MRPS10: variants seen among roughly 807,000 people sequenced by gnomAD.
MRPS10 encodes the protein small ribosomal subunit protein uS10m.
Under a neutral mutation model 27.5 loss-of-function variants are expected in MRPS10, and 23 were observed. The ratio of observed to expected loss-of-function variants is 0.84; its 90% CI spans 0.60 to 1.18. The LOEUF is 1.18. MRPS10 is among the 50% of genes most tolerant of loss of function. The pLI is 0.00. For synonymous variants in MRPS10, 88 were observed against 84.2 expected, an observed-to-expected ratio of 1.04 and a Z score of -0.25; for missense variants, 237 against 240.1, an observed-to-expected ratio of 0.99 and a Z score of 0.09.
At position 42,207,535 on chromosome 6, in the gene MRPS10, T is replaced by A. The variant is rs1768642320; in HGVS notation, c.*754A>T. 1 of 152,264 alleles carries A rather than the reference T, an allele frequency of 6.6e-6. No individual in the cohort carries two copies. Among genetic ancestry groups the A allele is most frequent in the African/African-American group, 2.4e-5 (1 of 41,470 alleles). 9.4% of individuals were successfully genotyped at this position (152,264 alleles called of 1,614,324 possible). A position where few individuals can be genotyped will look rare whatever the true frequency, so the allele number is the denominator to read the frequency against. Reference sequence around the variant, plus strand: ...GTGCCTGGCCTGCTTTGTGCGATTTTCAAAAGCCATTATTTCTATTCAATT... The same window carrying A: ...GTGCCTGGCCTGCTTTGTGCGATTTACAAAAGCCATTATTTCTATTCAATT... On this transcript the variant is annotated 3_prime_UTR_variant, in exon 7 of 7. Transcript: ENST00000053468.
rs1193319478 is a variant in MRPS10 at position 42,207,752 on chromosome 6, T to C, written c.*537A>G. On this transcript the variant is annotated 3_prime_UTR_variant, in exon 7 of 7. Coordinates refer to ENST00000053468, the MANE Select transcript of MRPS10 (RefSeq NM_018141.4). The stretch of plus-strand genomic sequence containing the variant: ...CAGTGCATGCCATAAATGTGTTTGA[T>C]CTGCTGTGAAGTATATTCAGTCTTC... 1 of 153,766 alleles carries C rather than the reference T, an allele frequency of 6.5e-6. No individual in the cohort carries two copies. The highest frequency in any genetic ancestry group is 2.4e-5 in the African/African-American group (1 of 41,456). The allele number at this position is 153,766 out of a possible 1,614,324, so 9.5% of individuals were successfully genotyped here.
chr6:42,213,173 G>A (rs1178837685), intron 3 of MRPS10, among the ~76,000 whole-genome samples: 1 of 152,228 alleles, frequency 6.6e-6, no homozygotes, highest in Non-Finnish European at 1.5e-5. Flanking sequence ...TACTGGCCAG[G>A]TGTGGTGGCT....
At position 42,206,853 on chromosome 6, in the gene MRPS10, G is replaced by A. The variant is rs927119638; in HGVS notation, c.*1436C>T. 5.3e-5 allele frequency: 8 copies of A among 152,090 alleles called. No individual in the cohort carries two copies. Among genetic ancestry groups the A allele is most frequent in the Non-Finnish European group, 1.2e-4 (8 of 68,038 alleles). 9.4% of individuals were successfully genotyped at this position (152,090 alleles called of 1,614,324 possible). ...TTCTTTTAATGGTGATGACAGTAAC[G>A]TAAGTCTGATACACAAGCAGTATGT... On this transcript the variant is annotated 3_prime_UTR_variant, in exon 7 of 7. Transcript: ENST00000053468.
intron 1 of MRPS10, among the ~76,000 whole-genome samples, chr6:42,216,202 T>C (rs1768926448): frequency 1.3e-5 from 2 of 151,610 alleles, no homozygotes; most frequent in African/African-American, 4.8e-5. Flanking sequence ...TTTTGTATTT[T>C]TAGTAGAGAC....
intron 1 of MRPS10, 62 bp downstream of exon 1, chr6:42,217,740 C>T (rs946567393): frequency 3.2e-6 from 5 of 1,556,770 alleles, no homozygotes; most frequent in Admixed American, 3.4e-5. Flanking sequence ...CGGCTGGTGG[C>T]AGGGAAACTT....
Position 42,216,910 on chromosome 6 carries a change from T to C in MRPS10, c.48+892A>G, listed in dbSNP as rs556533512. On this transcript the variant is annotated intron_variant, in intron 1 of 6. Transcript: ENST00000053468. Reference sequence around the variant, plus strand: ...CAGGGGATCCGGGAAATCAAAACTATTTTCATAAAACCAAAACGTCATTTA... The same window carrying C: ...CAGGGGATCCGGGAAATCAAAACTACTTTCATAAAACCAAAACGTCATTTA... Among the ~76,000 whole-genome samples, 3 of 152,308 alleles carry C rather than the reference T, an allele frequency of 2.0e-5. No homozygotes were observed. In the East Asian group the frequency reaches 5.8e-4, roughly 29 times the overall value.
At position 42,208,840 on chromosome 6, in the gene MRPS10, C is replaced by T. The variant is rs1175445908; in HGVS notation, c.522+18G>A. 43 of 1,546,358 alleles carry T rather than the reference C, an allele frequency of 2.8e-5. No individual in the cohort carries two copies. Among genetic ancestry groups the T allele is most frequent in the Non-Finnish European group, 3.7e-5 (42 of 1,123,502 alleles). On this transcript the variant is annotated intron_variant, in intron 6 of 6. Transcript: ENST00000053468. ...CTCCCCACCGCCCCACCGAAAGAGG[C>T]AGAAATTCAAGCTATACCTTTGTTA...
rs1420028665 is a variant in MRPS10 at position 42,207,408 on chromosome 6, G to C, written c.*881C>G. On this transcript the variant is annotated 3_prime_UTR_variant, in exon 7 of 7. Transcript: ENST00000053468. The stretch of plus-strand genomic sequence containing the variant: ...AGCTAATTTTTGTATTTTTATTAGA[G>C]ACGGGGTTTCACCGTGTTAGCCAGG... 3.9e-5 allele frequency: 6 copies of C among 152,110 alleles called. No homozygotes were observed. The highest frequency in any genetic ancestry group is 8.8e-5 in the Non-Finnish European group (6 of 68,046). The allele number at this position is 152,110 out of a possible 1,614,324, so 9.4% of individuals were successfully genotyped here. A position where few individuals can be genotyped will look rare whatever the true frequency, so the allele number is the denominator to read the frequency against.
chr6:42,214,037 T>C (rs1000402020), intron 3 of MRPS10, 83 bp downstream of exon 3: 17 of 1,222,536 alleles, frequency 1.4e-5, no homozygotes, highest in Non-Finnish European at 2.0e-5. Context: ...CATAGAGTGT[T>C]TGGGGAAAAA....
At chr6:42,216,226 G>A (rs1768927235) in intron 1 of MRPS10, among the ~76,000 whole-genome samples, 1 of 151,346 alleles carries the variant, frequency 6.6e-6, no homozygotes, top group Non-Finnish European at 1.5e-5. Context: ...GTTTTGCCAT[G>A]TTAGCCAGGA....
intron 6 of MRPS10, 105 bp from the exon 7 acceptor site, chr6:42,208,477 T>C (rs1455735526): frequency 1.1e-6 from 1 of 875,370 alleles, no homozygotes; most frequent in African/African-American, 1.7e-5. Flanking sequence ...CTTTTTCTTT[T>C]ATCCCCCTAG....
Position 42,208,962 on chromosome 6 carries a change from A to G in MRPS10, c.433-15T>C, listed in dbSNP as rs768616882. 3.2e-6 allele frequency: 5 copies of G among 1,544,512 alleles called. No individual in the cohort carries two copies. The highest frequency in any genetic ancestry group is 1.8e-6 in the Non-Finnish European group (2 of 1,125,890). ...AGATGTTCTAACTAAAACATCAAAC[A>G]TGAAAATGTTTCATGTAAGCTGTTT... On this transcript the variant is annotated splice_polypyrimidine_tract_variant and intron_variant, in intron 5 of 6. Coordinates refer to ENST00000053468, the MANE Select transcript of MRPS10 (RefSeq NM_018141.4).
At position 42,214,185 on chromosome 6, in the gene MRPS10, T is replaced by C; in HGVS notation, c.121A>G (p.Asn41Asp). 1.2e-6 allele frequency: 2 copies of C among 1,613,348 alleles called. No homozygotes were observed. Among genetic ancestry groups the C allele is most frequent in the East Asian group, 2.2e-5 (1 of 44,828 alleles). The change falls in exon 3 of 7, where the codon AAT becomes GAT. Residue 41 changes from asparagine to aspartate, a missense_variant. Around this residue, in one of 3 missense-constraint regions of MRPS10, gnomAD observed 164 missense variants for 137.8 expected, o/e 1.19. Coordinates refer to ENST00000053468, the MANE Select transcript of MRPS10 (RefSeq NM_018141.4). Reference sequence around the variant, plus strand: ...TTTGAAAACTGTACCCACTTCATATTGGTACTGCTATGTGTGGGGAAAAAA... The same window carrying C: ...TTTGAAAACTGTACCCACTTCATATCGGTACTGCTATGTGTGGGGAAAAAA... Reference protein sequence around the residue: ...AKNGGLLLSTNMKWVQFSNLH... With the variant: ...AKNGGLLLSTDMKWVQFSNLH...
intron 3 of MRPS10, among the ~76,000 whole-genome samples, chr6:42,213,645 G>C (rs916901815): frequency 1.3e-5 from 2 of 152,068 alleles, no homozygotes; most frequent in East Asian, 3.8e-4. Context: ...ACAAAAAACT[G>C]GATTGATGAA....
intron 3 of MRPS10, among the ~76,000 whole-genome samples, chr6:42,213,118 G>A (rs1490436626): frequency 6.6e-6 from 1 of 152,214 alleles, no homozygotes; most frequent in Non-Finnish European, 1.5e-5. Context: ...AGGCATGTGA[G>A]TTGCAGACTG....
In MRPS10 at chr6:42,211,913, G is replaced by A. The variant is rs139935420; in HGVS notation, c.191C>T (p.Thr64Ile). 1 of 1,604,136 alleles carries A rather than the reference G, an allele frequency of 6.2e-7. No homozygotes were observed. The highest frequency in any genetic ancestry group is 1.3e-5 in the African/African-American group (1 of 74,230). The part of the protein sequence containing the change: ...VPKDLTKPVV[T>I]ISDEPDILYK... ...TAATATGTCTGGTTCATCAGAGATTGTTACCTAAAATCCAAAAGAAAAGTT... is the reference window on the plus strand; with the variant it reads ...TAATATGTCTGGTTCATCAGAGATTATTACCTAAAATCCAAAAGAAAAGTT... Residue 64 changes from threonine to isoleucine, a missense_variant, in exon 4 of 7, where the codon ACA (threonine) becomes ATA (isoleucine). Physicochemically the swap from Thr to Ile is moderately conservative, Grantham distance 89. Transcript: ENST00000053468.
At chr6:42,214,483 GA>G (rs3215607) in intron 1 of MRPS10, 139 bp from the exon 2 acceptor site, 273,061 of 448,630 alleles carry the variant, frequency 0.61, 80,824 homozygotes, top group East Asian at 0.82. Context: ...AAATTAGATT[GA>G]AAAAAAAAAG....
At position 42,208,052 on chromosome 6, in the gene MRPS10, A is replaced by T. The variant is rs1038132454; in HGVS notation, c.*237T>A. 2.0e-6 allele frequency: 1 copy of T among 503,584 alleles called. No individual in the cohort carries two copies. Among genetic ancestry groups the T allele is most frequent in the African/African-American group, 2.0e-5 (1 of 49,534 alleles). The allele number at this position is 503,584 out of a possible 1,614,324, so 31.2% of individuals were successfully genotyped here. A position where few individuals can be genotyped will look rare whatever the true frequency, so the allele number is the denominator to read the frequency against. On this transcript the variant is annotated 3_prime_UTR_variant, in exon 7 of 7. Coordinates refer to ENST00000053468, the MANE Select transcript of MRPS10 (RefSeq NM_018141.4). ...ATTTTCACTCTTTCTGCTTTCAGTCAAAGTGGTTTGCTCATGTTTGCTGAA... is the reference window on the plus strand; with the variant it reads ...ATTTTCACTCTTTCTGCTTTCAGTCTAAGTGGTTTGCTCATGTTTGCTGAA...
rs758331610 is a variant in MRPS10, at chr6:42,208,359, T to A, written c.536A>T (p.Gln179Leu). The change falls in exon 7 of 7, where the codon CAG (glutamine) becomes CTG (leucine). Residue 179 changes from glutamine (Q) to leucine (L), a missense_variant. This residue lies in a region of MRPS10 where 62 missense variants were observed against 68.2 expected (regional missense o/e 0.91). Coordinates refer to ENST00000053468, the MANE Select transcript of MRPS10 (RefSeq NM_018141.4). ...AMEVTKTQLE[Q>L]LPEHIKEPIW... ...TGGCTCCTTGATGTGTTCTGGTAAC[T>A]GTTCTAATTGTGTCTAAAAAAAGAA... The A allele has an allele frequency of 1.2e-6, 2 of 1,601,442 alleles. No homozygotes were observed. The highest frequency in any genetic ancestry group is 3.5e-5 in the Admixed American group (2 of 57,616).
Sources: gnomAD v4.1 joint callset for allele counts (sites outside exome capture counted in the v4.1 genomes callset) on GRCh38, gnomAD v4.1.1 for gene constraint, gnomAD v4.1.1 regional missense constraint, MANE v1.5 for transcripts, NCBI Gene and HGNC (gene_info 2026-07-23, HGNC 2026-07-21) for gene names.